NOX4: variants seen among roughly 807,000 people sequenced by gnomAD.
NOX4 encodes the protein kidney oxidase-1.
NOX4 carries 69 observed loss-of-function variants against 87.6 expected under a neutral mutation model. The observed-to-expected ratio is 0.79, with a 90% confidence interval of 0.65 to 0.96. NOX4 has a LOEUF of 0.96. Among genes scored for constraint, NOX4 ranks in the 40% least tolerant of loss-of-function variants. NOX4 has a pLI of 0.00. For synonymous variants in NOX4, 275 were observed against 238.2 expected (o/e 1.15, Z -1.42); for missense variants, 680 against 681.5 (o/e 1.00, Z 0.02).
At chr11:89,456,875 A>C (rs966791803) in intron 2 of NOX4, among the ~76,000 whole-genome samples, 2 of 152,102 alleles carry the variant, frequency 1.3e-5, no homozygotes, top group Non-Finnish European at 2.9e-5. Flanking sequence ...TCAGCCTTTG[A>C]GAGACTGTTG....
chr11:89,397,657 C>T (rs1200703231), intron 11 of NOX4, among the ~76,000 whole-genome samples: 2 of 152,022 alleles, frequency 1.3e-5, no homozygotes, highest in Admixed American at 6.6e-5. Context: ...CACAGAAATA[C>T]AAACTACCAT....
intron 2 of NOX4, among the ~76,000 whole-genome samples, chr11:89,466,314 TC>T (rs1418978822): frequency 2.0e-5 from 3 of 152,334 alleles, no homozygotes; most frequent in South Asian, 2.1e-4. Context: ...TCAAACAGTT[TC>T]TTATCTTAAA....
At chr11:89,383,412 T>C (rs1940444859) in intron 11 of NOX4, among the ~76,000 whole-genome samples, 1 of 152,224 alleles carries the variant, frequency 6.6e-6, no homozygotes, top group Non-Finnish European at 1.5e-5. Flanking sequence ...CCCAAGGCCC[T>C]CTGACTGACT....
chr11:89,539,896 C>A, the NOX4 span, among the ~76,000 whole-genome samples: 1 of 151,522 alleles, frequency 6.6e-6, no homozygotes, highest in Non-Finnish European at 1.5e-5. Flanking sequence ...CCTTAATCTA[C>A]CCTCTGGTCA....
intron 2 of NOX4, among the ~76,000 whole-genome samples, chr11:89,460,617 C>T (rs1050964459): frequency 6.6e-6 from 1 of 152,186 alleles, no homozygotes; most frequent in African/African-American, 2.4e-5. Context: ...GATACCATCT[C>T]ACACCAGTTA....
chr11:89,585,028 T>C, the NOX4 span, among the ~76,000 whole-genome samples: 1 of 152,090 alleles, frequency 6.6e-6, no homozygotes, highest in African/African-American at 2.4e-5. Context: ...AGGCTTAGGA[T>C]CCCAACCAGG....
the NOX4 span, among the ~76,000 whole-genome samples, chr11:89,549,443 T>G: frequency 6.6e-6 from 1 of 152,054 alleles, no homozygotes. Context: ...TATTATAGAG[T>G]GCTGCTTTTT....
chr11:89,512,343 A>G, the NOX4 span, among the ~76,000 whole-genome samples: 8 of 152,086 alleles, frequency 5.3e-5, no homozygotes, highest in African/African-American at 1.9e-4. Context: ...TATTAACTGT[A>G]AGTGCTATGT....
At chr11:89,405,340 A>C (rs1182846103) in intron 8 of NOX4, among the ~76,000 whole-genome samples, 1 of 152,004 alleles carries the variant, frequency 6.6e-6, no homozygotes, top group Non-Finnish European at 1.5e-5. Flanking sequence ...AATTCCTTTT[A>C]ATTTTGAGAG....
chr11:89,439,149 G>A (rs376395237), intron 6 of NOX4, among the ~76,000 whole-genome samples: 8 of 147,950 alleles, frequency 5.4e-5, no homozygotes, highest in African/African-American at 1.7e-4. Context: ...ACTTTTCAAA[G>A]CATTTTAAAG....
At chr11:89,402,756 T>G (rs2135189278) in intron 8 of NOX4, among the ~76,000 whole-genome samples, 1 of 152,248 alleles carries the variant, frequency 6.6e-6, no homozygotes. Flanking sequence ...AAACAAAAAT[T>G]TTGGCACTCC....
intron 2 of NOX4, among the ~76,000 whole-genome samples, chr11:89,471,794 T>G (rs2135444927): frequency 6.6e-6 from 1 of 152,304 alleles, no homozygotes; most frequent in South Asian, 2.1e-4. Context: ...CAGACTGGAG[T>G]GCAATGGTGC....
chr11:89,412,194 G>A (rs1397371984), intron 8 of NOX4, among the ~76,000 whole-genome samples: 2 of 152,160 alleles, frequency 1.3e-5, no homozygotes, highest in Non-Finnish European at 2.9e-5. Context: ...GCTAAAGAGA[G>A]AGAAAGACTT....
the NOX4 span, among the ~76,000 whole-genome samples, chr11:89,587,719 A>C: frequency 6.6e-6 from 1 of 152,320 alleles, no homozygotes; most frequent in Admixed American, 6.5e-5. Flanking sequence ...TTATGTGTTC[A>C]GATTTATCAA....
At chr11:89,566,640 A>G in the NOX4 span, among the ~76,000 whole-genome samples, 2 of 152,196 alleles carry the variant, frequency 1.3e-5, no homozygotes, top group African/African-American at 2.4e-5. Context: ...AACAGCAAGG[A>G]AAAGCATCTC....
upstream of NOX4, among the ~76,000 whole-genome samples, chr11:89,492,975 A>C (rs1790502): frequency 6.6e-6 from 1 of 152,260 alleles, no homozygotes; most frequent in East Asian, 1.9e-4. Flanking sequence ...AAATGGCTCC[A>C]ACTCTTAATA....
chr11:89,343,223 T>C (rs1946079355), intron 13 of NOX4, among the ~76,000 whole-genome samples: 1 of 152,170 alleles, frequency 6.6e-6, no homozygotes. Context: ...CTTTCATCTA[T>C]AAAAGGGTCA....
chr11:89,512,106 A>C, the NOX4 span, among the ~76,000 whole-genome samples: 1 of 152,048 alleles, frequency 6.6e-6, no homozygotes, highest in Non-Finnish European at 1.5e-5. Context: ...AAGCCAATAC[A>C]TTAATCTTTT....
intron 2 of NOX4, among the ~76,000 whole-genome samples, chr11:89,487,191 A>C (rs188005628): frequency 6.6e-6 from 1 of 152,284 alleles, no homozygotes; most frequent in Admixed American, 6.5e-5. Flanking sequence ...ACTGACCATT[A>C]AAAGGTATTT....
Sources: allele counts gnomAD v4.1 joint callset (sites outside exome capture counted in the v4.1 genomes callset), GRCh38; gene constraint gnomAD v4.1.1; transcripts MANE v1.5; gene names NCBI Gene and HGNC (gene_info 2026-07-23, HGNC 2026-07-21).